The following COG5 variants were observed in gnomAD, a reference collection of about 807,000 sequenced individuals.
COG5 encodes component of oligomeric golgi complex 5.
COG5 carries 86 observed loss-of-function variants against 110.4 expected under a neutral mutation model. The ratio of observed to expected loss-of-function variants is 0.78; its 90% CI spans 0.65 to 0.93. The LOEUF is 0.93. COG5 is among the 40% of genes least tolerant of loss of function. The pLI is 0.00. For synonymous variants in COG5, 360 were observed against 334.6 expected (o/e 1.08, Z -0.83); for missense variants, 1,077 against 987.0 (o/e 1.09, Z -1.22).
At chr7:107,497,106 T>C (rs962063268) in intron 6 of COG5, among the ~76,000 whole-genome samples, 6 of 151,896 alleles carry the variant, frequency 4.0e-5, no homozygotes, top group African/African-American at 1.5e-4. Context: ...GCCACTCAAG[T>C]GGCTGAGGCA....
intron 12 of COG5, among the ~76,000 whole-genome samples, chr7:107,284,921 A>C (rs1355813960): frequency 6.6e-6 from 1 of 152,192 alleles, no homozygotes. Flanking sequence ...TTAACCTTTA[A>C]AACATCTAAC....
At chr7:107,208,473 T>A in intron 21 of COG5, 1 of 985,384 alleles carries the variant, frequency 1.0e-6, no homozygotes, top group South Asian at 4.7e-5. Context: ...ATGAGAAAAA[T>A]GAACGTGTTC....
At chr7:107,424,099 C>A (rs978108069) in intron 6 of COG5, among the ~76,000 whole-genome samples, 2 of 151,728 alleles carry the variant, frequency 1.3e-5, no homozygotes, top group Non-Finnish European at 2.9e-5. Flanking sequence ...ATCATGAAAC[C>A]CCGTCTCTAC....
Position 107,278,994 on chromosome 7 carries a change from A to G in COG5, c.1575+2306T>C, listed in dbSNP as rs187896713. ...GCCAAAGAAACTATCATCGGAGTGC[A>G]CAGGCAACCTACAGAATGGGAGAAA... On this transcript the variant is annotated intron_variant, in intron 14 of 21. Transcript: ENST00000297135. Among the ~76,000 whole-genome samples the G allele has an allele frequency of 1.8e-3, 275 of 152,340 alleles. 1 individual carries two copies. The highest frequency in any genetic ancestry group is 6.3e-3 in the African/African-American group (263 of 41,584).
chr7:107,401,287 AATG>A (rs1361179595), intron 7 of COG5, among the ~76,000 whole-genome samples: 1 of 152,136 alleles, frequency 6.6e-6, no homozygotes, highest in African/African-American at 2.4e-5. Context: ...AAAAAATTTA[AATG>A]ATTAGTTTTA....
intron 11 of COG5, among the ~76,000 whole-genome samples, chr7:107,309,913 G>T (rs893327582): frequency 6.6e-6 from 1 of 151,956 alleles, no homozygotes; most frequent in African/African-American, 2.4e-5. Context: ...CTCTCCCAAG[G>T]ACTGGCAACC....
intron 17 of COG5, among the ~76,000 whole-genome samples, chr7:107,240,860 C>T (rs1801566924): frequency 6.6e-6 from 1 of 152,216 alleles, no homozygotes; most frequent in Non-Finnish European, 1.5e-5. Flanking sequence ...TATGCCTGTA[C>T]TGCTATATAT....
intron 5 of COG5, among the ~76,000 whole-genome samples, chr7:107,533,778 A>C (rs997112435): frequency 1.3e-5 from 2 of 151,662 alleles, no homozygotes; most frequent in African/African-American, 4.9e-5. Flanking sequence ...CTAACCTAGC[A>C]AGACAGGCCA....
intron 5 of COG5, 88 bp downstream of exon 5, chr7:107,548,022 AC>A (rs1434940255): frequency 1.9e-6 from 2 of 1,075,640 alleles, no homozygotes; most frequent in African/African-American, 3.2e-5. Context: ...CCATTCTCTT[AC>A]TTCTTCCAAA....
chr7:107,464,784 G>T (rs1584858243), intron 6 of COG5, among the ~76,000 whole-genome samples: 1 of 152,114 alleles, frequency 6.6e-6, no homozygotes, highest in Non-Finnish European at 1.5e-5. Flanking sequence ...TGATATCAGT[G>T]AAAATTCACC....
chr7:107,415,878 G>A (rs62482539), intron 6 of COG5, among the ~76,000 whole-genome samples: 4 of 113,494 alleles, frequency 3.5e-5, no homozygotes, highest in South Asian at 2.7e-4. Context: ...GTATGTATGT[G>A]TGTGTATATA....
intron 17 of COG5, among the ~76,000 whole-genome samples, chr7:107,245,554 T>C (rs553680791): frequency 3.0e-4 from 45 of 152,320 alleles, no homozygotes; most frequent in Admixed American, 2.8e-3. Context: ...ATCACTAGCA[T>C]TCCTATACAT....
intron 6 of COG5, among the ~76,000 whole-genome samples, chr7:107,502,854 G>A (rs1798721318): frequency 6.6e-6 from 1 of 152,120 alleles, no homozygotes; most frequent in East Asian, 1.9e-4. Flanking sequence ...CCACTTTTTG[G>A]TGGGATTATT....
At chr7:107,283,494 A>C in intron 13 of COG5, 77 bp downstream of exon 13, 1 of 1,269,646 alleles carries the variant, frequency 7.9e-7, no homozygotes, top group South Asian at 1.3e-5. Flanking sequence ...AAATAAATTA[A>C]AAAGGTACTG....
chr7:107,275,946 T>C (rs74841470), intron 14 of COG5, among the ~76,000 whole-genome samples: 2 of 152,296 alleles, frequency 1.3e-5, no homozygotes, highest in East Asian at 1.9e-4. Flanking sequence ...CTCCAACTTA[T>C]AAAATTATAT....
intron 13 of COG5, among the ~76,000 whole-genome samples, chr7:107,282,104 T>G (rs969262436): frequency 2.0e-5 from 3 of 150,834 alleles, no homozygotes; most frequent in African/African-American, 7.3e-5. Flanking sequence ...AGCAAGAAAA[T>G]TATTGTCCCT....
At chr7:107,324,396 C>T (rs1447207090) in intron 11 of COG5, 44 bp downstream of exon 11, 1 of 1,252,640 alleles carries the variant, frequency 8.0e-7, no homozygotes, top group African/African-American at 1.5e-5. Context: ...GATAAAATAA[C>T]TTAAAACTTT....
At chr7:107,547,620 T>C (rs1489706669) in intron 5 of COG5, among the ~76,000 whole-genome samples, 1 of 152,090 alleles carries the variant, frequency 6.6e-6, no homozygotes, top group African/African-American at 2.4e-5. Flanking sequence ...GACAGAAAAC[T>C]AGATAAAGGA....
intron 11 of COG5, among the ~76,000 whole-genome samples, chr7:107,311,718 G>A (rs1462097182): frequency 6.6e-6 from 1 of 151,862 alleles, no homozygotes; most frequent in Non-Finnish European, 1.5e-5. Context: ...TAGAGTTTTT[G>A]GCTTTTTAAT....
Sources: allele counts gnomAD v4.1 joint callset (sites outside exome capture counted in the v4.1 genomes callset), GRCh38; gene constraint gnomAD v4.1.1; transcripts MANE v1.5; gene names NCBI Gene and HGNC (gene_info 2026-07-23, HGNC 2026-07-21).